Variants in HS6ST3 observed in about 807,000 individuals in gnomAD.
HS6ST3 encodes heparan sulfate 6-O-sulfotransferase 3, also known as heparan-sulfate 6-O-sulfotransferase 3.
HS6ST3 carries 12 observed loss-of-function variants against 36.7 expected under a neutral mutation model. That is an observed-to-expected ratio of 0.33 (90% CI 0.21 to 0.53). The LOEUF (loss-of-function observed/expected upper bound fraction) is 0.53, where lower values mean the gene tolerates loss of function less well. Ranked by LOEUF, HS6ST3 falls within the 20% of genes least tolerant of loss-of-function variation. The pLI is 0.95. For synonymous variants in HS6ST3, 240 were observed against 257.5 expected (o/e 0.93, Z 0.65); for missense variants, 584 against 640.9 (o/e 0.91, Z 0.96).
At chr13:96,179,445 C>T (rs369134177) in intron 1 of HS6ST3, among the ~76,000 whole-genome samples, 3 of 152,322 alleles carry the variant, frequency 2.0e-5, no homozygotes, top group South Asian at 4.1e-4. Flanking sequence ...GAGCTCATCA[C>T]CTTGGAGTCA....
intron 1 of HS6ST3, among the ~76,000 whole-genome samples, chr13:96,458,465 G>C (rs780434851): frequency 6.6e-6 from 1 of 151,988 alleles, no homozygotes; most frequent in Non-Finnish European, 1.5e-5. Flanking sequence ...TTTGAGTTCA[G>C]ACTCACTCAA....
At chr13:96,808,668 G>C (rs747612123) in intron 1 of HS6ST3, among the ~76,000 whole-genome samples, 1 of 152,184 alleles carries the variant, frequency 6.6e-6, no homozygotes, top group Non-Finnish European at 1.5e-5. Flanking sequence ...AAATGCAGAA[G>C]TGAAAGCATG....
chr13:96,218,732 G>A (rs144035135), intron 1 of HS6ST3, among the ~76,000 whole-genome samples: 3 of 152,256 alleles, frequency 2.0e-5, no homozygotes, highest in Admixed American at 6.5e-5. Context: ...AGTGGATGCT[G>A]TTTGCTGCTG....
chr13:96,113,859 G>A (rs1444176295), intron 1 of HS6ST3, among the ~76,000 whole-genome samples: 1 of 152,130 alleles, frequency 6.6e-6, no homozygotes, highest in Admixed American at 6.5e-5. Flanking sequence ...ATGGCAAAAA[G>A]TTGGAAAAGT....
chr13:96,196,122 G>A (rs970090863), intron 1 of HS6ST3, among the ~76,000 whole-genome samples: 3 of 152,096 alleles, frequency 2.0e-5, no homozygotes, highest in Non-Finnish European at 1.5e-5. Flanking sequence ...AGTGAAGAGT[G>A]ATTTAGTATG....
At chr13:96,606,383 A>G (rs1470027681) in intron 1 of HS6ST3, among the ~76,000 whole-genome samples, 1 of 152,128 alleles carries the variant, frequency 6.6e-6, no homozygotes, top group African/African-American at 2.4e-5. Flanking sequence ...ATGGAATACT[A>G]TGCAGCCATT....
intron 1 of HS6ST3, among the ~76,000 whole-genome samples, chr13:96,735,497 A>G (rs1398611638): frequency 6.6e-6 from 1 of 152,206 alleles, no homozygotes; most frequent in Admixed American, 6.5e-5. Flanking sequence ...TAAGCATTAA[A>G]ACTTGTTAAA....
chr13:96,591,730 C>A (rs1177013147), intron 1 of HS6ST3, among the ~76,000 whole-genome samples: 2 of 151,878 alleles, frequency 1.3e-5, no homozygotes, highest in Non-Finnish European at 2.9e-5. Context: ...CTTCCAATAC[C>A]ATATGTAATA....
At chr13:96,709,576 G>A (rs115310000) in intron 1 of HS6ST3, among the ~76,000 whole-genome samples, 1,995 of 152,198 alleles carry the variant, frequency 0.013, 39 homozygotes, top group African/African-American at 0.045. Flanking sequence ...CACCCTTGTA[G>A]GAAGAAACAA....
At chr13:96,199,980 G>C (rs2054333215) in intron 1 of HS6ST3, among the ~76,000 whole-genome samples, 2 of 152,050 alleles carry the variant, frequency 1.3e-5, no homozygotes, top group Admixed American at 6.6e-5. Context: ...AAATATTTCT[G>C]ACACTGAAAA....
intron 1 of HS6ST3, among the ~76,000 whole-genome samples, chr13:96,591,904 T>G (rs944357544): frequency 6.6e-6 from 1 of 152,110 alleles, no homozygotes; most frequent in African/African-American, 2.4e-5. Flanking sequence ...GGTTTTTATT[T>G]GAAGGAATAT....
intron 1 of HS6ST3, among the ~76,000 whole-genome samples, chr13:96,147,155 A>C (rs2054062086): frequency 6.6e-6 from 1 of 152,256 alleles, no homozygotes; most frequent in Admixed American, 6.5e-5. Flanking sequence ...CTTGATAGTG[A>C]TCAGCAGAGC....
chr13:96,345,406 A>G (rs1322703388), intron 1 of HS6ST3, among the ~76,000 whole-genome samples: 1 of 152,112 alleles, frequency 6.6e-6, no homozygotes, highest in Non-Finnish European at 1.5e-5. Context: ...GTGTGCATAT[A>G]TCTAGTGCCC....
chr13:96,265,448 G>A (rs531431624), intron 1 of HS6ST3, among the ~76,000 whole-genome samples: 2 of 152,226 alleles, frequency 1.3e-5, no homozygotes, highest in African/African-American at 4.8e-5. Context: ...CCAAAGTGAT[G>A]GGATTATAGG....
At chr13:96,303,367 T>C (rs1031987380) in intron 1 of HS6ST3, among the ~76,000 whole-genome samples, 1 of 152,192 alleles carries the variant, frequency 6.6e-6, no homozygotes, top group Admixed American at 6.5e-5. Flanking sequence ...TGACCTGACC[T>C]TGTGGGCTAC....
chr13:96,096,512 T>G (rs530945348), intron 1 of HS6ST3, among the ~76,000 whole-genome samples: 1 of 152,276 alleles, frequency 6.6e-6, no homozygotes, highest in East Asian at 1.9e-4. Flanking sequence ...TCCTACCCCA[T>G]GCTTAGAAAA....
chr13:96,582,861 CA>C (rs1594811979), intron 1 of HS6ST3, among the ~76,000 whole-genome samples: 7 of 152,192 alleles, frequency 4.6e-5, no homozygotes, highest in Admixed American at 3.3e-4. Flanking sequence ...GCAGGAAGCC[CA>C]GTTAAATTTT....
At chr13:96,338,891 C>G (rs1483231896) in intron 1 of HS6ST3, among the ~76,000 whole-genome samples, 1 of 152,150 alleles carries the variant, frequency 6.6e-6, no homozygotes, top group Non-Finnish European at 1.5e-5. Flanking sequence ...TTCAAAAAAA[C>G]AAGACTCTTT....
chr13:96,831,977 A>G (rs9652108), intron 1 of HS6ST3, among the ~76,000 whole-genome samples: 1 of 115,978 alleles, frequency 8.6e-6, no homozygotes, highest in Non-Finnish European at 1.8e-5. Context: ...AAAAAAAAAA[A>G]AAACAGAGAT....
Sources: gnomAD v4.1 joint callset for allele counts (sites outside exome capture counted in the v4.1 genomes callset) on GRCh38, gnomAD v4.1.1 for gene constraint, MANE v1.5 for transcripts, NCBI Gene and HGNC (gene_info 2026-07-23, HGNC 2026-07-21) for gene names.